Variants in ANKRD31 observed in about 807,000 individuals in gnomAD.
The protein encoded by ANKRD31 is ankyrin repeat domain 31.
In ANKRD31, 147 loss-of-function variants were observed where a neutral mutation model predicts 186.0. The ratio of observed to expected loss-of-function variants is 0.79; its 90% confidence interval spans 0.69 to 0.91. The LOEUF (loss-of-function observed/expected upper bound fraction) is 0.91, where lower values mean the gene tolerates loss of function less well. Ranked by LOEUF, ANKRD31 falls within the 40% of genes least tolerant of loss-of-function variation. The pLI, the probability that ANKRD31 is intolerant of heterozygous loss-of-function variation, is 0.00. For synonymous variants in ANKRD31, 673 were observed against 736.4 expected (o/e 0.91, Z 1.39); for missense variants, 1,986 against 2,148.8 (o/e 0.92, Z 1.50).
chr5:75,166,807 C>G (rs899891101), intron 11 of ANKRD31, among the ~76,000 whole-genome samples: 3 of 152,124 alleles, frequency 2.0e-5, no homozygotes, highest in Admixed American at 6.5e-5. Flanking sequence ...GTCTTCCAAC[C>G]ATATATTTAA....
In ANKRD31 at chr5:75,116,626, G is replaced by C; in HGVS notation, c.4095C>G (p.Gly1365=). 1 of 1,465,514 alleles carries C rather than the reference G, an allele frequency of 6.8e-7. No individual in the cohort carries two copies. Among genetic ancestry groups the C allele is most frequent in the South Asian group, 1.4e-5 (1 of 69,766 alleles). 90.8% of individuals were successfully genotyped at this position (1,465,514 alleles called of 1,614,324 possible). The stretch of plus-strand genomic sequence containing the variant: ...AAAGGGAAGATGAGTCAATAGTTTT[G>C]CCATCATCACAAAAACACTGTTTAT... ...KRHKQCFCDD[G]KTIDSSSLSH... The change falls in exon 19 of 26, where the codon GGC becomes GGG. Residue 1365 remains glycine (G), a synonymous_variant. Transcript: ENST00000506364.
At chr5:75,114,010 C>A (rs1747993736) in intron 19 of ANKRD31, among the ~76,000 whole-genome samples, 1 of 152,144 alleles carries the variant, frequency 6.6e-6, no homozygotes, top group African/African-American at 2.4e-5. Flanking sequence ...CAAGACTTAT[C>A]TAAAACAAGG....
chr5:75,165,016 T>C (rs1162764019), intron 11 of ANKRD31, among the ~76,000 whole-genome samples: 1 of 152,216 alleles, frequency 6.6e-6, no homozygotes, highest in Non-Finnish European at 1.5e-5. Flanking sequence ...ACTGTTATTG[T>C]CCCTGTGATA....
In ANKRD31 at chr5:75,196,042, T is replaced by A; in HGVS notation, c.606A>T (p.Thr202=). 2 of 1,536,362 alleles carry A rather than the reference T, an allele frequency of 1.3e-6. No homozygotes were observed. Among genetic ancestry groups the A allele is most frequent in the Non-Finnish European group, 1.7e-6 (2 of 1,146,560 alleles). Residue 202 remains threonine (T), a synonymous_variant, in exon 7 of 26, where the codon ACA becomes ACT. Transcript: ENST00000506364. Reference sequence around the variant, plus strand: ...TAGTTTCTTCAGAAGTCATGGTCATTGTGACTTCCTTTCTAGGCTCAAAAA... The same window carrying A: ...TAGTTTCTTCAGAAGTCATGGTCATAGTGACTTCCTTTCTAGGCTCAAAAA... ...NTFFEPRKEV[T]MTMTSEETKD...
At chr5:75,111,479 C>T (rs1041834171) in intron 20 of ANKRD31, among the ~76,000 whole-genome samples, 97 of 151,720 alleles carry the variant, frequency 6.4e-4, no homozygotes, top group African/African-American at 2.2e-3. Flanking sequence ...TAGGCCAGGA[C>T]GAAAAGTAGA....
intron 2 of ANKRD31, among the ~76,000 whole-genome samples, chr5:75,224,313 C>T (rs534890774): frequency 6.6e-6 from 1 of 151,536 alleles, no homozygotes; most frequent in African/African-American, 2.4e-5. Context: ...GCTGTTTGTA[C>T]CAAAGAAACT....
chr5:75,190,490 T>A (rs772447599), intron 9 of ANKRD31, among the ~76,000 whole-genome samples: 52 of 152,244 alleles, frequency 3.4e-4, no homozygotes, highest in Non-Finnish European at 6.6e-4. Context: ...CTGGTATTAT[T>A]TCCCCCTTAT....
chr5:75,207,469 A>G (rs1357493261), intron 4 of ANKRD31, among the ~76,000 whole-genome samples: 1 of 152,182 alleles, frequency 6.6e-6, no homozygotes, highest in East Asian at 1.9e-4. Flanking sequence ...ATTATTACAA[A>G]TATTTATGTT....
intron 10 of ANKRD31, among the ~76,000 whole-genome samples, chr5:75,187,107 GTT>G (rs909491634): frequency 9.7e-5 from 6 of 61,810 alleles, no homozygotes; most frequent in Non-Finnish European, 1.4e-4. Context: ...CGGTGATTCT[GTT>G]TTGTGTGTGT....
intron 25 of ANKRD31, among the ~76,000 whole-genome samples, chr5:75,069,086 G>GT (rs1561386997): frequency 2.0e-5 from 3 of 152,196 alleles, no homozygotes; most frequent in African/African-American, 7.2e-5. Context: ...GTATTAGGCT[G>GT]CATGATTTCT....
At position 75,120,391 on chromosome 5, in the gene ANKRD31, T is replaced by G. The variant is rs370960405; in HGVS notation, c.3877-2094A>C. On this transcript the variant is annotated intron_variant, in intron 17 of 25. Transcript: ENST00000506364. Reference sequence around the variant, plus strand: ...TGTCTCAAAAAAAAAAATTATAGTATAAGTCAATTAGTGAAAAACAATGAT... The same window carrying G: ...TGTCTCAAAAAAAAAAATTATAGTAGAAGTCAATTAGTGAAAAACAATGAT... 1.6e-4 allele frequency among the ~76,000 whole-genome samples: 25 copies of G among 152,160 alleles called. No individual in the cohort carries two copies. The East Asian group carries it at 3.3e-3, about 20-fold the overall frequency.
In ANKRD31 at chr5:75,193,589, A is replaced by G; in HGVS notation, c.1020T>C (p.Thr340=). 2 of 1,532,636 alleles carry G rather than the reference A, an allele frequency of 1.3e-6. No individual in the cohort carries two copies. The highest frequency in any genetic ancestry group is 1.7e-6 in the Non-Finnish European group (2 of 1,144,244). The allele number at this position is 1,532,636 out of a possible 1,614,324, so 94.9% of individuals were successfully genotyped here. ...ATCCAGATGGATTTGGGTCTTGCAG[A>G]GTCTGCAAATACGTAAATACATCCA... The part of the protein sequence containing the change: ...TNEDCTQIAE[T]LQDPNPSGLQ... The change falls in exon 8 of 26, where the codon ACT becomes ACC. Residue 340 remains threonine (T), a splice_region_variant and synonymous_variant. Coordinates refer to ENST00000506364, the MANE Select transcript of ANKRD31 (RefSeq NM_001372053.1).
intron 14 of ANKRD31, among the ~76,000 whole-genome samples, chr5:75,145,742 A>T (rs1174061103): frequency 1.0e-5 from 1 of 96,572 alleles, no homozygotes; most frequent in African/African-American, 3.4e-5. Context: ...AATAATTATA[A>T]AAAAAACTAC....
chr5:75,071,569 C>A (rs1451969170), intron 25 of ANKRD31, among the ~76,000 whole-genome samples: 1 of 149,784 alleles, frequency 6.7e-6, no homozygotes, highest in African/African-American at 2.5e-5. Context: ...AATCTCAACT[C>A]ACTGCGACCT....
intron 12 of ANKRD31, among the ~76,000 whole-genome samples, chr5:75,150,645 T>C (rs749588920): frequency 7.2e-5 from 11 of 152,026 alleles, no homozygotes; most frequent in South Asian, 4.2e-4. Flanking sequence ...AGAAATTTCA[T>C]TGGGTAGGAA....
chr5:75,080,824 C>A (rs1305776663), intron 24 of ANKRD31, among the ~76,000 whole-genome samples, 185 bp from the exon 25 acceptor site: 1 of 152,052 alleles, frequency 6.6e-6, no homozygotes, highest in Non-Finnish European at 1.5e-5. Context: ...CCTTATTTCC[C>A]CAAAAACAGT....
chr5:75,069,061 T>C (rs186012007), intron 25 of ANKRD31, among the ~76,000 whole-genome samples: 1 of 152,214 alleles, frequency 6.6e-6, no homozygotes, highest in East Asian at 1.9e-4. Flanking sequence ...CTATTATTAT[T>C]TAGTACTAAA....
rs181355782 is a variant in ANKRD31 at position 75,222,646 on chromosome 5, C to T, written c.179-288G>A. On this transcript the variant is annotated intron_variant, in intron 2 of 25. Transcript: ENST00000506364. ...GCCCTGGTGTGTGTTGTTCCTCTCTCTGTGTCCATGTGTTCTCAACGTTCA... is the reference window on the plus strand; with the variant it reads ...GCCCTGGTGTGTGTTGTTCCTCTCTTTGTGTCCATGTGTTCTCAACGTTCA... Among the ~76,000 whole-genome samples the T allele has an allele frequency of 1.5e-4, 23 of 152,212 alleles. No homozygotes were observed. The East Asian group carries it at 4.4e-3, about 29-fold the overall frequency.
At chr5:75,193,170 G>T in intron 8 of ANKRD31, 141 bp downstream of exon 8, 1 of 1,070,504 alleles carries the variant, frequency 9.3e-7, no homozygotes, top group Non-Finnish European at 1.3e-6. Flanking sequence ...ATCAAAAACT[G>T]CAAAATAAAA....
Sources: allele counts gnomAD v4.1 joint callset (sites outside exome capture counted in the v4.1 genomes callset), GRCh38; gene constraint gnomAD v4.1.1; transcripts MANE v1.5; gene names NCBI Gene and HGNC (gene_info 2026-07-23, HGNC 2026-07-21).